The following GRIK2 variants were observed in gnomAD, a reference collection of about 807,000 sequenced individuals.
GRIK2 encodes glutamate receptor ionotropic, kainate 2.
GRIK2 carries 32 observed loss-of-function variants against 100.3 expected under a neutral mutation model. The ratio of observed to expected loss-of-function variants is 0.32; its 90% CI spans 0.24 to 0.43. The LOEUF (loss-of-function observed/expected upper bound fraction) is 0.43. Among genes scored for constraint, GRIK2 ranks in the 20% least tolerant of loss-of-function variants. The pLI is 1.00. For missense variants in GRIK2, 843 were observed against 1,114.9 expected (o/e 0.76, Z 3.47); for synonymous variants, 417 against 389.4 (o/e 1.07, Z -0.83).
intron 14 of GRIK2, among the ~76,000 whole-genome samples, chr6:101,930,500 A>G (rs866218964): frequency 9.9e-5 from 15 of 152,168 alleles, no homozygotes; most frequent in Middle Eastern, 6.8e-3. Context: ...ATATAATAAT[A>G]CAACCTATTG....
chr6:101,682,633 T>G (rs1431610315), intron 6 of GRIK2, 27 bp downstream of exon 6: 1 of 948,022 alleles, frequency 1.1e-6, no homozygotes, highest in African/African-American at 1.7e-5. Context: ...AACAAAATGT[T>G]CTGAATTTTA....
At chr6:101,863,681 A>G (rs1784875660) in intron 11 of GRIK2, among the ~76,000 whole-genome samples, 1 of 152,198 alleles carries the variant, frequency 6.6e-6, no homozygotes, top group African/African-American at 2.4e-5. Context: ...CTCACATTCA[A>G]CAGATCTACA....
chr6:102,044,750 T>C (rs1043801922), intron 15 of GRIK2, among the ~76,000 whole-genome samples: 4 of 151,990 alleles, frequency 2.6e-5, no homozygotes. Flanking sequence ...CTTCCCTACA[T>C]CTAACCTGAT....
chr6:101,452,981 TA>T (rs1770793983), intron 2 of GRIK2, among the ~76,000 whole-genome samples: 1 of 151,866 alleles, frequency 6.6e-6, no homozygotes, highest in Non-Finnish European at 1.5e-5. Context: ...TCAGTTACTA[TA>T]AAAATGCAGT....
At chr6:101,744,521 C>T (rs1282623790) in intron 7 of GRIK2, 19 of 64,326 alleles carry the variant, frequency 3.0e-4, no homozygotes, top group South Asian at 1.1e-3. Context: ...TGTGCGTGCG[C>T]GCATATATAT....
At chr6:101,635,840 G>A (rs1026177053) in intron 4 of GRIK2, among the ~76,000 whole-genome samples, 1 of 152,104 alleles carries the variant, frequency 6.6e-6, no homozygotes, top group Non-Finnish European at 1.5e-5. Context: ...TCATTAAAAA[G>A]TCAGGAAACA....
intron 2 of GRIK2, among the ~76,000 whole-genome samples, chr6:101,508,474 T>G (rs533443482): frequency 6.6e-6 from 1 of 152,240 alleles, no homozygotes; most frequent in Non-Finnish European, 1.5e-5. Flanking sequence ...AAGCTTAATA[T>G]AACAGATTAT....
At chr6:101,728,361 A>G (rs568431757) in intron 7 of GRIK2, among the ~76,000 whole-genome samples, 17 of 152,240 alleles carry the variant, frequency 1.1e-4, no homozygotes, top group South Asian at 1.0e-3. Flanking sequence ...TTCTATCAGT[A>G]ACACTGCATG....
Position 101,683,029 on chromosome 6 carries a change from C to G in GRIK2, c.777+423C>G, listed in dbSNP as rs1216992356. Among the ~76,000 whole-genome samples, 7 of 151,778 alleles carry G rather than the reference C, an allele frequency of 4.6e-5. No homozygotes were observed. The East Asian group carries it at 1.4e-3, about 29-fold the overall frequency. On this transcript the variant is annotated intron_variant, in intron 6 of 16. Coordinates refer to ENST00000369134, the MANE Select transcript of GRIK2 (RefSeq NM_021956.5). ...GAACAGCATGACCAATATGGTGAAA[C>G]CCATCTCTACTAAAAATACAAAAAT...
At chr6:101,730,408 TG>T (rs1775180560) in intron 7 of GRIK2, among the ~76,000 whole-genome samples, 1 of 151,922 alleles carries the variant, frequency 6.6e-6, no homozygotes, top group African/African-American at 2.4e-5. Flanking sequence ...TCAAGGTTAA[TG>T]GGTCTCTATG....
intron 7 of GRIK2, among the ~76,000 whole-genome samples, chr6:101,762,629 T>G (rs772118038): frequency 1.3e-5 from 2 of 152,294 alleles, no homozygotes; most frequent in Non-Finnish European, 2.9e-5. Context: ...AATCCAGGTA[T>G]TCAGGGTGAC....
chr6:101,654,272 T>A (rs182430172), intron 4 of GRIK2, among the ~76,000 whole-genome samples: 1 of 152,254 alleles, frequency 6.6e-6, no homozygotes, highest in East Asian at 1.9e-4. Context: ...TATATAAAGA[T>A]ACAACTGGGA....
chr6:101,483,406 A>G (rs1032827557), intron 2 of GRIK2, among the ~76,000 whole-genome samples: 18 of 152,178 alleles, frequency 1.2e-4, no homozygotes, highest in African/African-American at 4.1e-4. Context: ...CCACTTCTGA[A>G]GCTCTTGAGT....
At chr6:101,464,812 G>T (rs1771557293) in intron 2 of GRIK2, among the ~76,000 whole-genome samples, 1 of 152,056 alleles carries the variant, frequency 6.6e-6, no homozygotes, top group Admixed American at 6.6e-5. Context: ...GAGCCACCGT[G>T]CCCGGCCCCA....
At chr6:101,714,690 G>A (rs374244167) in intron 7 of GRIK2, among the ~76,000 whole-genome samples, 10 of 151,658 alleles carry the variant, frequency 6.6e-5, no homozygotes, top group Non-Finnish European at 1.0e-4. Flanking sequence ...TTATCATTTC[G>A]CTTCTTAATT....
chr6:101,620,530 TACA>T (rs1434153431), intron 2 of GRIK2, among the ~76,000 whole-genome samples: 1 of 152,148 alleles, frequency 6.6e-6, no homozygotes, highest in Non-Finnish European at 1.5e-5. Flanking sequence ...GAGGAATTGT[TACA>T]ACATTACGAC....
At chr6:101,547,273 C>T (rs986996740) in intron 2 of GRIK2, among the ~76,000 whole-genome samples, 11 of 152,040 alleles carry the variant, frequency 7.2e-5, no homozygotes, top group African/African-American at 2.2e-4. Flanking sequence ...ACGCAAATTG[C>T]GAACCTATAA....
intron 2 of GRIK2, among the ~76,000 whole-genome samples, chr6:101,602,789 G>C (rs115793046): frequency 7.4e-4 from 113 of 151,762 alleles, no homozygotes; most frequent in African/African-American, 2.5e-3. Flanking sequence ...ACTAGAATCA[G>C]TATAGAAAGA....
At chr6:101,752,073 T>C (rs1488840046) in intron 7 of GRIK2, among the ~76,000 whole-genome samples, 1 of 152,220 alleles carries the variant, frequency 6.6e-6, no homozygotes, top group Non-Finnish European at 1.5e-5. Context: ...TAAATGCTTA[T>C]TTTCCTTTAT....
Sources: gnomAD v4.1 joint callset for allele counts (sites outside exome capture counted in the v4.1 genomes callset) on GRCh38, gnomAD v4.1.1 for gene constraint, MANE v1.5 for transcripts, NCBI Gene and HGNC (gene_info 2026-07-23, HGNC 2026-07-21) for gene names.